The following BRDT variants were observed in gnomAD, a reference collection of about 807,000 sequenced individuals.
BRDT encodes bromodomain testis-specific protein.
Under a neutral mutation model 113.9 loss-of-function variants are expected in BRDT, and 77 were observed. That is an observed-to-expected ratio of 0.68 (90% CI 0.56 to 0.82). The LOEUF is 0.82. Ranked by LOEUF, BRDT falls within the 40% of genes least tolerant of loss-of-function variation. The probability of loss-of-function intolerance (pLI) is 0.00; values close to 1 mark genes in which losing one functional copy is unlikely to be tolerated. For synonymous variants in BRDT, 358 were observed against 366.5 expected (o/e 0.98, Z 0.26); for missense variants, 1,027 against 1,105.4 (o/e 0.93, Z 1.01).
chr1:91,955,699 A>G (rs1681683214), intron 1 of BRDT, among the ~76,000 whole-genome samples: 1 of 152,236 alleles, frequency 6.6e-6, no homozygotes, highest in South Asian at 2.1e-4. Flanking sequence ...ATGGGTAATG[A>G]CAGTGGATAC....
At chr1:91,980,271 G>A (rs1052170439) in intron 8 of BRDT, among the ~76,000 whole-genome samples, 1 of 152,038 alleles carries the variant, frequency 6.6e-6, no homozygotes, top group Non-Finnish European at 1.5e-5. Context: ...GAGGCAGGAG[G>A]ATCACTTGAG....
At chr1:91,961,760 C>A (rs1270945882) in intron 1 of BRDT, among the ~76,000 whole-genome samples, 1 of 152,216 alleles carries the variant, frequency 6.6e-6, no homozygotes, top group South Asian at 2.1e-4. Context: ...CTTTAACATT[C>A]TCTGTTATTT....
intron 1 of BRDT, among the ~76,000 whole-genome samples, chr1:91,952,671 C>T (rs4658283): frequency 0.72 from 108,239 of 151,254 alleles, 39,729 homozygotes; most frequent in Middle Eastern, 0.82. Flanking sequence ...ACCAGCACAA[C>T]GGTTCATGCC....
chr1:91,957,985 A>G (rs769149127), intron 1 of BRDT, among the ~76,000 whole-genome samples: 12 of 152,000 alleles, frequency 7.9e-5, no homozygotes, highest in African/African-American at 2.4e-4. Flanking sequence ...ATTACTGGCA[A>G]TGTGCCACAT....
At chr1:91,968,749 T>C (rs931637647) in intron 4 of BRDT, among the ~76,000 whole-genome samples, 1 of 152,166 alleles carries the variant, frequency 6.6e-6, no homozygotes. Context: ...CATTTAAATA[T>C]GGTGTTTCAA....
chr1:92,012,169 G>A (rs1022592869), intron 18 of BRDT, among the ~76,000 whole-genome samples: 2 of 151,906 alleles, frequency 1.3e-5, no homozygotes, highest in African/African-American at 2.4e-5. Flanking sequence ...CCATGGTGGC[G>A]CACCTGTAAT....
chr1:91,967,374 T>TA (rs1683167978), intron 3 of BRDT, among the ~76,000 whole-genome samples: 1 of 151,814 alleles, frequency 6.6e-6, no homozygotes, highest in African/African-American at 2.4e-5. Flanking sequence ...TAGCTGGGAT[T>TA]ACAGGCATGC....
chr1:91,979,261 G>A (rs1684486590), intron 7 of BRDT, among the ~76,000 whole-genome samples: 1 of 151,694 alleles, frequency 6.6e-6, no homozygotes, highest in Non-Finnish European at 1.5e-5. Context: ...TTACAGGCAT[G>A]CGCCACCACA....
intron 4 of BRDT, 110 bp from the exon 5 acceptor site, chr1:91,976,154 CCT>C: frequency 1.0e-6 from 1 of 1,002,956 alleles, no homozygotes; most frequent in Non-Finnish European, 1.4e-6. Context: ...AAATAAGTAT[CCT>C]ATGCTTATAT....
Position 91,956,897 on chromosome 1 carries a change from C to T in BRDT, c.-37-5821C>T, listed in dbSNP as rs546862048. Among the ~76,000 whole-genome samples, 7 of 152,258 alleles carry T rather than the reference C, an allele frequency of 4.6e-5. No homozygotes were observed. The South Asian group carries it at 1.5e-3, about 32-fold the overall frequency. On this transcript the variant is annotated intron_variant, in intron 1 of 18. Transcript: ENST00000399546. ...AAGATTGCAGTGAGCCATGATTGAG[C>T]CACTGCACCCCTGCTTGGGTGACAG...
intron 12 of BRDT, among the ~76,000 whole-genome samples, chr1:91,988,411 A>T (rs560301488): frequency 6.6e-4 from 100 of 151,202 alleles, no homozygotes; most frequent in South Asian, 3.1e-3. Flanking sequence ...TTATTTATTT[A>T]TTTTTTTGAG....
intron 13 of BRDT, 43 bp from the exon 14 acceptor site, chr1:91,992,221 G>A: frequency 1.9e-6 from 2 of 1,050,020 alleles, no homozygotes; most frequent in Non-Finnish European, 2.7e-6. Flanking sequence ...ACATGGTTAA[G>A]AGATAATATG....
chr1:91,962,145 A>C (rs1296631091), intron 1 of BRDT, among the ~76,000 whole-genome samples: 1 of 904 alleles, frequency 1.1e-3, no homozygotes, highest in Non-Finnish European at 0.011. Flanking sequence ...ACTCCGTCTC[A>C]AAAAAAAAAA....
intron 1 of BRDT, among the ~76,000 whole-genome samples, chr1:91,958,214 C>CTTTTTTT (rs35049237): frequency 7.9e-6 from 1 of 127,344 alleles, no homozygotes; most frequent in Non-Finnish European, 1.6e-5. Flanking sequence ...AACTCATGCC[C>CTTTTTTT]TTTTTTTTTT....
intron 13 of BRDT, among the ~76,000 whole-genome samples, chr1:91,991,961 C>T (rs1685803003): frequency 2.2e-5 from 3 of 138,460 alleles, no homozygotes; most frequent in African/African-American, 8.3e-5. Flanking sequence ...CACTGCACTC[C>T]AGCCTGGGCG....
At chr1:92,013,230 AAAG>A (rs1394432024) in intron 18 of BRDT, among the ~76,000 whole-genome samples, 5 of 151,902 alleles carry the variant, frequency 3.3e-5, no homozygotes, top group African/African-American at 1.2e-4. Flanking sequence ...AAAAAAAAAA[AAAG>A]ATTAAAAAAA....
chr1:91,966,532 C>G (rs893779248), intron 3 of BRDT, among the ~76,000 whole-genome samples: 2 of 152,060 alleles, frequency 1.3e-5, no homozygotes, highest in Admixed American at 6.6e-5. Flanking sequence ...GCATCCAGCT[C>G]CAATGTGAAT....
At position 92,006,338 on chromosome 1, in the gene BRDT, C is replaced by T. The variant is rs181016492; in HGVS notation, c.2775+1039C>T. Among the ~76,000 whole-genome samples, 9 of 151,900 alleles carry T rather than the reference C, an allele frequency of 5.9e-5. No individual in the cohort carries two copies. The East Asian group carries it at 1.5e-3, about 26-fold the overall frequency. On this transcript the variant is annotated intron_variant, in intron 18 of 18. Coordinates refer to ENST00000399546, the MANE Select transcript of BRDT (RefSeq NM_207189.4). ...AGGCACTTCACCTTTTTATGACTAG[C>T]GTTGGCACAGTAAAATTCTTTCCAT...
At chr1:91,962,970 A>C (rs779804352) in intron 2 of BRDT, 24 bp downstream of exon 2, 1 of 1,482,296 alleles carries the variant, frequency 6.7e-7, no homozygotes, top group Non-Finnish European at 9.0e-7. Context: ...CAACTATGTT[A>C]GTTTCAAAAA....
Sources: allele counts gnomAD v4.1 joint callset (sites outside exome capture counted in the v4.1 genomes callset), GRCh38; gene constraint gnomAD v4.1.1; transcripts MANE v1.5; gene names NCBI Gene and HGNC (gene_info 2026-07-23, HGNC 2026-07-21).